VPS36: variants seen among roughly 807,000 people sequenced by gnomAD.
VPS36 encodes the protein vacuolar protein-sorting-associated protein 36.
A neutral mutation model predicts 63.5 loss-of-function variants in VPS36; 31 were observed. The observed-to-expected ratio is 0.49, with a 90% CI of 0.37 to 0.66. VPS36 has a LOEUF of 0.66. VPS36 is among the 30% of genes least tolerant of loss of function. The probability of loss-of-function intolerance (pLI) is 0.00; values close to 1 mark genes in which losing one functional copy is unlikely to be tolerated. For synonymous variants in VPS36, 138 were observed against 157.2 expected, an observed-to-expected ratio of 0.88 and a Z score of 0.91; for missense variants, 338 against 463.7, an observed-to-expected ratio of 0.73 and a Z score of 2.49.
chr13:52,442,960 T>G (rs1958296269), intron 1 of VPS36, among the ~76,000 whole-genome samples: 2 of 152,224 alleles, frequency 1.3e-5, no homozygotes, highest in Admixed American at 1.3e-4. Flanking sequence ...TTACCCTGAT[T>G]GAATTTCTTT....
chr13:52,416,608 A>G (rs917972541), intron 12 of VPS36, among the ~76,000 whole-genome samples: 3 of 152,364 alleles, frequency 2.0e-5, no homozygotes, highest in Middle Eastern at 3.4e-3. Flanking sequence ...AATGAGTAAT[A>G]TTGGCAGTTT....
At chr13:52,419,169 G>C (rs1287385316) in intron 10 of VPS36, among the ~76,000 whole-genome samples, 1 of 152,202 alleles carries the variant, frequency 6.6e-6, no homozygotes, top group Admixed American at 6.5e-5. Context: ...CATGGGACTG[G>C]GTGAGCCATT....
chr13:52,439,231 A>G, intron 2 of VPS36, 63 bp from the exon 3 acceptor site: 1 of 1,474,620 alleles, frequency 6.8e-7, no homozygotes, highest in Non-Finnish European at 9.4e-7. Flanking sequence ...CTTGTCAGAA[A>G]TCCTTGTTTT....
intron 1 of VPS36, chr13:52,449,917 T>C (rs899779905): frequency 3.0e-6 from 3 of 985,460 alleles, no homozygotes; most frequent in East Asian, 2.3e-4. Context: ...GGCATTCCAA[T>C]GAAGCACTGA....
intron 1 of VPS36, among the ~76,000 whole-genome samples, chr13:52,448,381 C>A (rs1397691133): frequency 1.3e-5 from 2 of 152,186 alleles, no homozygotes; most frequent in Non-Finnish European, 2.9e-5. Flanking sequence ...GCACCTTCCC[C>A]CAGGAGTCAG....
At chr13:52,419,969 A>G (rs1958030067) in intron 10 of VPS36, among the ~76,000 whole-genome samples, 1 of 152,134 alleles carries the variant, frequency 6.6e-6, no homozygotes, top group African/African-American at 2.4e-5. Context: ...GGCCAGATGC[A>G]GTGGCCCATG....
At chr13:52,424,651 C>G (rs946339498) in intron 9 of VPS36, among the ~76,000 whole-genome samples, 1 of 152,080 alleles carries the variant, frequency 6.6e-6, no homozygotes, top group Non-Finnish European at 1.5e-5. Flanking sequence ...AACCAACAAA[C>G]TGCAATGAAT....
intron 2 of VPS36, among the ~76,000 whole-genome samples, chr13:52,439,842 A>G (rs1168901737): frequency 1.3e-5 from 2 of 152,262 alleles, no homozygotes; most frequent in Non-Finnish European, 2.9e-5. Flanking sequence ...AGATACATCA[A>G]GATAATTTTA....
chr13:52,435,895 T>C (rs1373998250), intron 4 of VPS36: 1 of 161,388 alleles, frequency 6.2e-6, no homozygotes, highest in Non-Finnish European at 1.4e-5. Flanking sequence ...CTGGAGTTAA[T>C]CAAGACAGAC....
chr13:52,440,296 A>T (rs934280870), intron 2 of VPS36, among the ~76,000 whole-genome samples: 1 of 150,752 alleles, frequency 6.6e-6, no homozygotes, highest in Non-Finnish European at 1.5e-5. Flanking sequence ...TTTAATTTTT[A>T]ATTTTTATTT....
chr13:52,437,765 CT>C (rs1377188315), intron 3 of VPS36, among the ~76,000 whole-genome samples: 2 of 151,986 alleles, frequency 1.3e-5, no homozygotes, highest in Non-Finnish European at 2.9e-5. Flanking sequence ...CCCGTCTCTA[CT>C]AAAAATACAA....
Position 52,434,793 on chromosome 13 carries a change from CT to C in VPS36, c.440del (p.Gln147ArgfsTer5), listed in dbSNP as rs1205622907. The C allele has an allele frequency of 6.2e-7, 1 of 1,611,612 alleles. No individual in the cohort carries two copies. Among genetic ancestry groups the C allele is most frequent in the Non-Finnish European group, 8.5e-7 (1 of 1,178,832 alleles). Reference protein sequence around the residue: ...SQSLQTNRGPQPGRIRAVGIV... With the variant: ...SQSLQTNRGPXPGRIRAVGIV... The stretch of plus-strand genomic sequence containing the variant: ...GATTAGCAAATAGTTTTAAAAATAC[CT>C]GGGGTCCTCTATTTGTTTGTAATGA... On this transcript the variant is annotated frameshift_variant and splice_region_variant, in exon 5 of 14. Coordinates refer to ENST00000378060, the MANE Select transcript of VPS36 (RefSeq NM_016075.4). LOFTEE classifies it high-confidence loss of function.
chr13:52,423,773 A>C lies in VPS36; in HGVS notation c.775-134T>G, dbSNP rs1195649356. 4.2e-6 allele frequency: 3 copies of C among 712,958 alleles called. No individual in the cohort carries two copies. In the East Asian group the frequency reaches 8.2e-5, roughly 20 times the overall value. 44.2% of individuals were successfully genotyped at this position (712,958 alleles called of 1,614,324 possible). On this transcript the variant is annotated intron_variant, in intron 9 of 13. Transcript: ENST00000378060. Reference sequence around the variant, plus strand: ...AAGAAGCTTATAAAAAACTTTATTTATACAAAGGAGAACCTATTCAGATAC... The same window carrying C: ...AAGAAGCTTATAAAAAACTTTATTTCTACAAAGGAGAACCTATTCAGATAC...
chr13:52,427,157 A>C, intron 7 of VPS36, 30 bp downstream of exon 7: 1 of 1,610,490 alleles, frequency 6.2e-7, no homozygotes, highest in Non-Finnish European at 8.5e-7. Context: ...CATAATTGGT[A>C]TGAATTTAAT....
At chr13:52,449,920 A>C (rs745436201) in intron 1 of VPS36, 20 of 985,422 alleles carry the variant, frequency 2.0e-5, no homozygotes, top group Non-Finnish European at 2.2e-5. Context: ...ATTCCAATGA[A>C]GCACTGATAC....
Position 52,417,057 on chromosome 13 carries a change from T to C in VPS36, c.990A>G (p.Thr330=). 1.9e-6 allele frequency: 3 copies of C among 1,613,258 alleles called. No homozygotes were observed. Among genetic ancestry groups the C allele is most frequent in the Non-Finnish European group, 1.7e-6 (2 of 1,179,502 alleles). The stretch of plus-strand genomic sequence containing the variant: ...ACTGGAGAAAATCGGCTTCACATAC[T>C]GTCTCCAGGGCCGAGGCCACCATTT... ...EEEMVASALE[T]VSEKGSLTSE... The change falls in exon 12 of 14, where the codon ACA becomes ACG. Residue 330 remains threonine, a splice_region_variant and synonymous_variant. Coordinates refer to ENST00000378060, the MANE Select transcript of VPS36 (RefSeq NM_016075.4).
At chr13:52,422,463 T>A (rs1958056303) in intron 10 of VPS36, among the ~76,000 whole-genome samples, 1 of 152,212 alleles carries the variant, frequency 6.6e-6, no homozygotes, top group Non-Finnish European at 1.5e-5. Context: ...CTCGTGTCAC[T>A]AGGGTTTGCT....
At chr13:52,445,939 C>CA (rs34529458) in intron 1 of VPS36, among the ~76,000 whole-genome samples, 9,721 of 15,362 alleles carry the variant, frequency 0.63, 4,191 homozygotes, top group Middle Eastern at 0.88. Flanking sequence ...GACTCTATCT[C>CA]AAAAAAAAAA....
At chr13:52,437,298 A>T (rs1958228990) in intron 3 of VPS36, among the ~76,000 whole-genome samples, 1 of 152,182 alleles carries the variant, frequency 6.6e-6, no homozygotes, top group South Asian at 2.1e-4. Context: ...CCAGCCTTGT[A>T]AGGACTCCTC....
Sources: gnomAD v4.1 joint callset for allele counts (sites outside exome capture counted in the v4.1 genomes callset) on GRCh38, gnomAD v4.1.1 for gene constraint, MANE v1.5 for transcripts, NCBI Gene and HGNC (gene_info 2026-07-23, HGNC 2026-07-21) for gene names.